RYR1: variants seen among roughly 807,000 people sequenced by gnomAD.
RYR1 encodes the protein central core disease of muscle.
In RYR1, 342 loss-of-function variants were observed where a neutral mutation model predicts 583.5. The ratio of observed to expected loss-of-function variants is 0.59; its 90% CI spans 0.54 to 0.64. The LOEUF (loss-of-function observed/expected upper bound fraction) is 0.64, where lower values mean the gene tolerates loss of function less well. Ranked by LOEUF, RYR1 falls within the 30% of genes least tolerant of loss-of-function variation. RYR1 has a pLI of 0.00. For synonymous variants in RYR1, 2,791 were observed against 2,822.5 expected (o/e 0.99, Z 0.35); for missense variants, 6,032 against 6,917.2 (o/e 0.87, Z 4.54).
At chr19:38,463,588 C>T (rs746982283) in intron 21 of RYR1, 61 bp downstream of exon 21, 94 of 1,543,848 alleles carry the variant, frequency 6.1e-5, no homozygotes, top group Admixed American at 3.0e-4. Flanking sequence ...GGAGGGAGAG[C>T]GGCTCACCGG....
At chr19:38,478,895 G>A (rs982162289) in intron 31 of RYR1, among the ~76,000 whole-genome samples, 1 of 152,178 alleles carries the variant, frequency 6.6e-6, no homozygotes, top group Non-Finnish European at 1.5e-5. Flanking sequence ...AGCCTCCTGA[G>A]TAGCTGGGAT....
chr19:38,506,031 G>A (rs1308058340), intron 54 of RYR1, 85 bp downstream of exon 54: 17 of 1,556,564 alleles, frequency 1.1e-5, no homozygotes, highest in South Asian at 5.7e-5. Context: ...GGAAGGGATG[G>A]AGAGGAGAGG....
chr19:38,472,172 C>A (rs991768070), intron 27 of RYR1, among the ~76,000 whole-genome samples: 1 of 152,140 alleles, frequency 6.6e-6, no homozygotes. Context: ...GATCTCAGCT[C>A]CCCACAACCT....
At chr19:38,515,630 C>G (rs938322748) in intron 64 of RYR1, among the ~76,000 whole-genome samples, 2 of 151,540 alleles carry the variant, frequency 1.3e-5, no homozygotes, top group Non-Finnish European at 2.9e-5. Context: ...TCCATCTCTA[C>G]AAAAAAAAAT....
Position 38,485,834 on chromosome 19 carries a change from C to T in RYR1, c.5179C>T (p.Arg1727Cys), listed in dbSNP as rs764448031. The T allele has an allele frequency of 1.2e-6, 2 of 1,613,772 alleles. No homozygotes were observed. Among genetic ancestry groups the T allele is most frequent in the Non-Finnish European group, 1.7e-6 (2 of 1,180,002 alleles). Residue 1727 changes from arginine (R) to cysteine (C), a missense_variant, in exon 34 of 106, where the codon CGC becomes TGC. Around this residue, in one of 11 missense-constraint regions of RYR1, gnomAD observed 2,627 missense variants for 2,961.3 expected, o/e 0.89. Transcript: ENST00000359596. Reference protein sequence around the residue: ...IHLESACRSRRSMLSEYIVPL... With the variant: ...IHLESACRSRCSMLSEYIVPL... ...CCTCGAAAGTGCCTGCCGCAGCCGC[C>T]GCTCCATGCTCTCTGAATACATCGT...
At chr19:38,553,348 A>T (rs189796192) in intron 89 of RYR1, among the ~76,000 whole-genome samples, 102 of 150,832 alleles carry the variant, frequency 6.8e-4, no homozygotes, top group African/African-American at 2.4e-3. Context: ...AAAAAAAAAA[A>T]AAAAATCAAA....
chr19:38,474,188 G>A (rs1211838246), intron 28 of RYR1, among the ~76,000 whole-genome samples: 3 of 152,070 alleles, frequency 2.0e-5, no homozygotes, highest in South Asian at 2.1e-4. Flanking sequence ...TGTACCCCCC[G>A]AAATCTAACT....
At chr19:38,505,983 T>C (rs2960343) in intron 54 of RYR1, 37 bp downstream of exon 54, 9 of 1,574,808 alleles carry the variant, frequency 5.7e-6, no homozygotes, top group Non-Finnish European at 7.8e-6. Context: ...AGGGGCACGA[T>C]GGGGGGAGGG....
At chr19:38,447,732 C>T (rs186693581) in intron 9 of RYR1, among the ~76,000 whole-genome samples, 8 of 151,136 alleles carry the variant, frequency 5.3e-5, no homozygotes, top group Admixed American at 3.3e-4. Flanking sequence ...ATCCCAGCTT[C>T]TCGGGAGGCT....
At chr19:38,520,510 C>T (rs921282263) in intron 67 of RYR1, among the ~76,000 whole-genome samples, 6 of 151,440 alleles carry the variant, frequency 4.0e-5, no homozygotes, top group Admixed American at 1.3e-4. Flanking sequence ...GCCTGGCCAA[C>T]GTGGCGAAAC....
At chr19:38,471,472 G>A (rs1321345560) in intron 27 of RYR1, among the ~76,000 whole-genome samples, 1 of 152,238 alleles carries the variant, frequency 6.6e-6, no homozygotes, top group Non-Finnish European at 1.5e-5. Flanking sequence ...CGGGGCTGCA[G>A]TGAGCCGTGG....
At chr19:38,551,654 T>C (rs188326687) in intron 89 of RYR1, among the ~76,000 whole-genome samples, 1 of 152,222 alleles carries the variant, frequency 6.6e-6, no homozygotes, top group East Asian at 1.9e-4. Flanking sequence ...ATCAGTGACC[T>C]CTTTACCTCT....
intron 87 of RYR1, among the ~76,000 whole-genome samples, chr19:38,545,704 G>C (rs1334133404): frequency 1.3e-5 from 2 of 152,128 alleles, no homozygotes; most frequent in Admixed American, 6.6e-5. Flanking sequence ...CCAGCTACTC[G>C]AGAGGCTTAG....
rs1209247689 is a variant in RYR1 at position 38,563,729 on chromosome 19, G to A, written c.12625-1230G>A. Among the ~76,000 whole-genome samples, 4 of 152,346 alleles carry A rather than the reference G, an allele frequency of 2.6e-5. No homozygotes were observed. In the East Asian group the frequency reaches 7.7e-4, roughly 29 times the overall value. On this transcript the variant is annotated intron_variant, in intron 90 of 105. Coordinates refer to ENST00000359596, the MANE Select transcript of RYR1 (RefSeq NM_000540.3). ...TAATTCAAAATCACCCAGCTACTCA[G>A]TGGCAGAATCAGGATTTGAACCCAG...
At chr19:38,527,202 A>G in intron 72 of RYR1, 150 bp downstream of exon 72, 1 of 848,286 alleles carries the variant, frequency 1.2e-6, no homozygotes, top group Non-Finnish European at 1.9e-6. Flanking sequence ...TGGCGAAACC[A>G]TGTTTCTACT....
intron 16 of RYR1, among the ~76,000 whole-genome samples, chr19:38,456,773 A>G (rs1366958033): frequency 2.0e-5 from 3 of 149,390 alleles, no homozygotes; most frequent in Admixed American, 6.7e-5. Flanking sequence ...ACAGCCGGGC[A>G]TGGTGGCTCA....
At chr19:38,450,600 G>A (rs967442013) in intron 11 of RYR1, among the ~76,000 whole-genome samples, 6 of 152,122 alleles carry the variant, frequency 3.9e-5, no homozygotes, top group Non-Finnish European at 8.8e-5. Context: ...CAGATGAGCT[G>A]GTGGGGAGGT....
At chr19:38,576,598 G>A (rs1026538971) in intron 97 of RYR1, among the ~76,000 whole-genome samples, 2 of 152,134 alleles carry the variant, frequency 1.3e-5, no homozygotes, top group Admixed American at 1.3e-4. Flanking sequence ...GATCACTTGA[G>A]GTCAGGAGTT....
intron 76 of RYR1, among the ~76,000 whole-genome samples, chr19:38,531,522 A>C (rs1971739388): frequency 6.6e-6 from 1 of 151,826 alleles, no homozygotes; most frequent in Admixed American, 6.6e-5. Context: ...GATTGGCCAT[A>C]CTTGTTATTG....
Sources: allele counts gnomAD v4.1 joint callset (sites outside exome capture counted in the v4.1 genomes callset), GRCh38; gene constraint gnomAD v4.1.1; regional missense constraint gnomAD v4.1.1; transcripts MANE v1.5; gene names NCBI Gene and HGNC (gene_info 2026-07-23, HGNC 2026-07-21).